Variants in TFAP2A observed in about 807,000 individuals in gnomAD.
The protein encoded by TFAP2A is transcription factor AP-2 alpha, also known as transcription factor AP-2-alpha.
Under a neutral mutation model 41.5 loss-of-function variants are expected in TFAP2A, and 7 were observed. The ratio of observed to expected loss-of-function variants is 0.17; its 90% CI spans 0.10 to 0.32. The LOEUF (loss-of-function observed/expected upper bound fraction) is 0.32, where lower values mean the gene tolerates loss of function less well. Among genes scored for constraint, TFAP2A ranks in the 10% least tolerant of loss-of-function variants. TFAP2A has a pLI of 1.00. For missense variants in TFAP2A, 416 were observed against 563.3 expected, an observed-to-expected ratio of 0.74 and a Z score of 2.65; for synonymous variants, 247 against 242.8, an observed-to-expected ratio of 1.02 and a Z score of -0.16.
At chr6:10,414,238 C>A (rs1009955249) in intron 1 of TFAP2A, among the ~76,000 whole-genome samples, 2 of 152,178 alleles carry the variant, frequency 1.3e-5, no homozygotes, top group Admixed American at 6.5e-5. Context: ...CCCCACCCCA[C>A]CCCCACACAC....
chr6:10,405,587 A>G (rs1339836009), intron 3 of TFAP2A: 3 of 151,426 alleles, frequency 2.0e-5, no homozygotes, highest in African/African-American at 7.4e-5. Context: ...ACTGTTAGAA[A>G]AAAAAAAAAT....
intron 5 of TFAP2A, 133 bp from the exon 6 acceptor site, chr6:10,400,722 T>A (rs373358373): frequency 9.5e-7 from 1 of 1,054,922 alleles, no homozygotes; most frequent in Non-Finnish European, 1.4e-6. Flanking sequence ...TGTTTTCTCA[T>A]TTCAGGCATT....
intron 2 of TFAP2A, chr6:10,407,277 G>A (rs892774127): frequency 4.3e-6 from 1 of 231,914 alleles, no homozygotes; most frequent in Non-Finnish European, 8.5e-6. Context: ...AGGGGCGGGA[G>A]TAACAGGAGA....
chr6:10,419,634 C>A (rs754226468), upstream of TFAP2A: 16 of 703,474 alleles, frequency 2.3e-5, no homozygotes, highest in Non-Finnish European at 3.5e-5. Context: ...GAATTCACTC[C>A]GCCAGCTGCA....
At chr6:10,410,627 C>T (rs41271758) in intron 1 of TFAP2A, among the ~76,000 whole-genome samples, 4 of 152,288 alleles carry the variant, frequency 2.6e-5, no homozygotes, top group Non-Finnish European at 5.9e-5. Flanking sequence ...TAAACTGCAG[C>T]GTGAAATCTC....
At chr6:10,406,545 G>A (rs1055805898) in intron 3 of TFAP2A, 2 of 550,624 alleles carry the variant, frequency 3.6e-6, no homozygotes, top group Non-Finnish European at 6.5e-6. Flanking sequence ...TACATTTTGT[G>A]TGTTTGTCCA....
intron 1 of TFAP2A, among the ~76,000 whole-genome samples, chr6:10,413,776 A>G (rs1758109997): frequency 1.3e-5 from 2 of 151,874 alleles, no homozygotes; most frequent in South Asian, 2.1e-4. Flanking sequence ...CATAAACCCA[A>G]TTTCTGGTTT....
intron 4 of TFAP2A, among the ~76,000 whole-genome samples, chr6:10,403,362 G>T (rs1757507879): frequency 3.3e-5 from 5 of 152,212 alleles, no homozygotes; most frequent in Admixed American, 2.6e-4. Context: ...TATTGGGGAT[G>T]GGGGAAGGGA....
chr6:10,400,328 ACTG>A (rs1285954114), intron 6 of TFAP2A, 117 bp downstream of exon 6: 1 of 1,284,652 alleles, frequency 7.8e-7, no homozygotes, highest in Non-Finnish European at 1.1e-6. Context: ...TGGTGTTATA[ACTG>A]CAACAAAGCT....
At chr6:10,404,289 G>A (rs1485722712) in intron 4 of TFAP2A, among the ~76,000 whole-genome samples, 2 of 152,204 alleles carry the variant, frequency 1.3e-5, no homozygotes, top group South Asian at 2.1e-4. Flanking sequence ...CTCGCTCGCG[G>A]GAAAGCAGCG....
chr6:10,403,944 G>A (rs1008443670), intron 4 of TFAP2A, among the ~76,000 whole-genome samples: 3 of 152,190 alleles, frequency 2.0e-5, no homozygotes, highest in African/African-American at 7.2e-5. Context: ...TGGGGGTCTG[G>A]AGATGACAGC....
intron 3 of TFAP2A, 115 bp downstream of exon 3, chr6:10,406,678 A>G (rs1480778305): frequency 8.8e-6 from 8 of 912,862 alleles, no homozygotes; most frequent in Non-Finnish European, 1.5e-5. Flanking sequence ...TCTATTTGCT[A>G]ATTCTGAGCC....
intron 3 of TFAP2A, 22 bp downstream of exon 3, chr6:10,406,771 A>G: frequency 6.2e-7 from 1 of 1,602,690 alleles, no homozygotes; most frequent in Non-Finnish European, 8.5e-7. Context: ...ACATGCTTGG[A>G]ATGCAGAAGG....
Position 10,410,354 on chromosome 6 carries a change from A to G in TFAP2A, c.52-19T>C. The G allele has an allele frequency of 1.9e-6, 3 of 1,597,384 alleles. No homozygotes were observed. Among genetic ancestry groups the G allele is most frequent in the Non-Finnish European group, 2.6e-6 (3 of 1,172,390 alleles). On this transcript the variant is annotated intron_variant, in intron 1 of 6. Coordinates refer to ENST00000379613, the MANE Select transcript of TFAP2A (RefSeq NM_001372066.1). ...GACGGTCCTAGAAGAGAGCGAGAGGAAAGGTAAAGAACAAGGAATCAGGCG... is the reference window on the plus strand; with the variant it reads ...GACGGTCCTAGAAGAGAGCGAGAGGGAAGGTAAAGAACAAGGAATCAGGCG...
In TFAP2A at chr6:10,398,746, A is replaced by C; in HGVS notation, c.1032-41T>G. On this transcript the variant is annotated intron_variant, in intron 6 of 6. Coordinates refer to ENST00000379613, the MANE Select transcript of TFAP2A (RefSeq NM_001372066.1). This position sits in a 1 kb window ranked among gnomAD's most constrained non-coding sequence, Gnocchi z 5.3. ...AGCAGAGAGAGAGACATAAGGCTCC[A>C]CTATGGGCAGCACTAGCAGCAAAGA... 1 of 1,608,270 alleles carries C rather than the reference A, an allele frequency of 6.2e-7. No homozygotes were observed. The highest frequency in any genetic ancestry group is 8.5e-7 in the Non-Finnish European group (1 of 1,176,206).
chr6:10,400,656 C>A, intron 5 of TFAP2A, 67 bp from the exon 6 acceptor site: 1 of 1,563,318 alleles, frequency 6.4e-7, no homozygotes, highest in East Asian at 2.2e-5. Context: ...ACTTCCTCCC[C>A]ACTCCCAACT....
intron 1 of TFAP2A, chr6:10,411,653 GC>G: frequency 6.2e-7 from 1 of 1,611,496 alleles, no homozygotes; most frequent in Non-Finnish European, 8.5e-7. Flanking sequence ...AGCCTGGAGC[GC>G]CCGGCTGCCC....
intron 2 of TFAP2A, 186 bp downstream of exon 2, chr6:10,409,715 T>A: frequency 1.5e-6 from 1 of 666,196 alleles, no homozygotes; most frequent in Non-Finnish European, 2.6e-6. Flanking sequence ...TGTTCTGGGG[T>A]AGAACTCGCA....
At chr6:10,418,983 G>A (rs1460778018), upstream of TFAP2A, among the ~76,000 whole-genome samples, 1 of 152,072 alleles carries the variant, frequency 6.6e-6, no homozygotes, top group Non-Finnish European at 1.5e-5. Context: ...CAACCCTGGG[G>A]TCTAGGGCGA....
Sources: allele counts gnomAD v4.1 joint callset (sites outside exome capture counted in the v4.1 genomes callset), GRCh38; gene constraint gnomAD v4.1.1; non-coding constraint Gnocchi (gnomAD v3.1); transcripts MANE v1.5; gene names NCBI Gene and HGNC (gene_info 2026-07-23, HGNC 2026-07-21).